The following NOS1AP variants were observed in gnomAD, a reference collection of about 807,000 sequenced individuals.
NOS1AP encodes carboxyl-terminal PDZ ligand of neuronal nitric oxide synthase protein.
In NOS1AP, 21 loss-of-function variants were observed where a neutral mutation model predicts 56.2. The observed-to-expected ratio is 0.37, with a 90% CI of 0.26 to 0.54. The LOEUF is 0.54. Ranked by LOEUF, NOS1AP falls within the 20% of genes least tolerant of loss-of-function variation. NOS1AP has a pLI of 0.84. For missense variants in NOS1AP, 522 were observed against 657.8 expected, an observed-to-expected ratio of 0.79 and a Z score of 2.26; for synonymous variants, 270 against 274.6, an observed-to-expected ratio of 0.98 and a Z score of 0.17.
At chr1:162,176,176 T>TA (rs1389473342) in intron 2 of NOS1AP, among the ~76,000 whole-genome samples, 1 of 152,174 alleles carries the variant, frequency 6.6e-6, no homozygotes, top group East Asian at 1.9e-4. Flanking sequence ...TGATTTTTTT[T>TA]AAAAAATTTG....
chr1:162,264,912 C>T (rs967806577), intron 2 of NOS1AP, among the ~76,000 whole-genome samples: 12 of 151,436 alleles, frequency 7.9e-5, no homozygotes, highest in Middle Eastern at 3.2e-3. Context: ...CTCCTAGGCT[C>T]AAGCGATTCT....
At position 162,304,197 on chromosome 1, in the gene NOS1AP, C is replaced by T. The variant is rs1655745533; in HGVS notation, c.344+3491C>T. Among the ~76,000 whole-genome samples, 5 of 152,228 alleles carry T rather than the reference C, an allele frequency of 3.3e-5. No individual in the cohort carries two copies. The South Asian group carries it at 1.0e-3, about 32-fold the overall frequency. On this transcript the variant is annotated intron_variant, in intron 4 of 9. Transcript: ENST00000361897. Reference sequence around the variant, plus strand: ...TCCTCCTCCTCTTCCTTCTCTTCTTCCTTCTCTCTGTTCCTCTCTCCCTCC... The same window carrying T: ...TCCTCCTCCTCTTCCTTCTCTTCTTTCTTCTCTCTGTTCCTCTCTCCCTCC...
At chr1:162,140,322 TC>T (rs2102073620) in intron 1 of NOS1AP, among the ~76,000 whole-genome samples, 1 of 151,524 alleles carries the variant, frequency 6.6e-6, no homozygotes, top group East Asian at 1.9e-4. Flanking sequence ...ATTATTAGAA[TC>T]AAGGGCACAC....
chr1:162,083,415 T>G (rs1259915748), intron 1 of NOS1AP, among the ~76,000 whole-genome samples: 1 of 152,134 alleles, frequency 6.6e-6, no homozygotes, highest in Non-Finnish European at 1.5e-5. Context: ...ATTGGCAATT[T>G]TTTTATTTGG....
chr1:162,291,306 T>C (rs962454080), intron 3 of NOS1AP, among the ~76,000 whole-genome samples: 2 of 152,230 alleles, frequency 1.3e-5, no homozygotes, highest in African/African-American at 4.8e-5. Flanking sequence ...ACCAGACACA[T>C]GTAGTATGTT....
At chr1:162,154,731 T>C (rs1052647330) in intron 2 of NOS1AP, among the ~76,000 whole-genome samples, 3 of 152,200 alleles carry the variant, frequency 2.0e-5, no homozygotes, top group Admixed American at 6.5e-5. Flanking sequence ...CAAACTGAGA[T>C]ACATGTTACC....
intron 2 of NOS1AP, among the ~76,000 whole-genome samples, chr1:162,199,245 G>A (rs1429558439): frequency 6.6e-6 from 1 of 152,124 alleles, no homozygotes; most frequent in African/African-American, 2.4e-5. Flanking sequence ...ACTCTTTGAT[G>A]GAATCTCGCA....
Position 162,151,153 on chromosome 1 carries a change from G to A in NOS1AP, c.106-3252G>A, listed in dbSNP as rs574917094. On this transcript the variant is annotated intron_variant, in intron 1 of 9. Transcript: ENST00000361897. Reference sequence around the variant, plus strand: ...TGATTTTTGTATATGGTGAGAGATAGGAGTCCAGTTTTATTCTTCTACATA... The same window carrying A: ...TGATTTTTGTATATGGTGAGAGATAAGAGTCCAGTTTTATTCTTCTACATA... 2.0e-5 allele frequency among the ~76,000 whole-genome samples: 3 copies of A among 152,276 alleles called. No individual in the cohort carries two copies. In the South Asian group the frequency reaches 6.2e-4, roughly 32 times the overall value.
intron 5 of NOS1AP, among the ~76,000 whole-genome samples, chr1:162,337,293 G>T (rs1258772537): frequency 6.6e-6 from 1 of 152,224 alleles, no homozygotes; most frequent in Non-Finnish European, 1.5e-5. Context: ...TGGGTTAGGA[G>T]AAATAATTTC....
At chr1:162,192,657 T>C (rs919127573) in intron 2 of NOS1AP, among the ~76,000 whole-genome samples, 2 of 152,226 alleles carry the variant, frequency 1.3e-5, no homozygotes, top group Non-Finnish European at 2.9e-5. Flanking sequence ...TCTCAACTTT[T>C]CTGTTCTTCC....
At chr1:162,264,464 TC>T (rs1557855323) in intron 2 of NOS1AP, among the ~76,000 whole-genome samples, 14 of 400 alleles carry the variant, frequency 0.035, no homozygotes, top group African/African-American at 0.096. Flanking sequence ...TCTTCTCTTC[TC>T]CTCCCCTCCC....
chr1:162,231,147 T>C (rs1653112367), intron 2 of NOS1AP, among the ~76,000 whole-genome samples: 1 of 152,194 alleles, frequency 6.6e-6, no homozygotes, highest in African/African-American at 2.4e-5. Flanking sequence ...TGCCAACACT[T>C]GGTCTTTTCT....
At chr1:162,251,342 C>T (rs556934689) in intron 2 of NOS1AP, among the ~76,000 whole-genome samples, 10 of 152,092 alleles carry the variant, frequency 6.6e-5, no homozygotes, top group Non-Finnish European at 1.5e-4. Flanking sequence ...GATCCCCATG[C>T]CATTCACTTG....
At chr1:162,359,390 C>G (rs1440750377) in intron 8 of NOS1AP, among the ~76,000 whole-genome samples, 1 of 152,170 alleles carries the variant, frequency 6.6e-6, no homozygotes, top group Non-Finnish European at 1.5e-5. Context: ...TCTGCCATGC[C>G]CATCTGTCTC....
rs1254160197 is a variant in NOS1AP, at chr1:162,369,705, G to A, written c.*2238G>A. On this transcript the variant is annotated 3_prime_UTR_variant, in exon 10 of 10. Coordinates refer to ENST00000361897, the MANE Select transcript of NOS1AP (RefSeq NM_014697.3). ...ACCCATCCAAGACTCCTGCCCTTGGGGTGTTCCATGGTGGTTTCTTCCTGC... is the reference window on the plus strand; with the variant it reads ...ACCCATCCAAGACTCCTGCCCTTGGAGTGTTCCATGGTGGTTTCTTCCTGC... The A allele has an allele frequency of 6.6e-6, 1 of 152,404 alleles. No individual in the cohort carries two copies. The highest frequency in any genetic ancestry group is 2.4e-5 in the African/African-American group (1 of 41,570). 9.4% of individuals were successfully genotyped at this position (152,404 alleles called of 1,614,324 possible).
At chr1:162,075,145 C>T (rs527386159) in intron 1 of NOS1AP, among the ~76,000 whole-genome samples, 5 of 152,284 alleles carry the variant, frequency 3.3e-5, no homozygotes, top group Admixed American at 2.6e-4. Flanking sequence ...TATATCTTCT[C>T]TGGTGATATG....
At chr1:162,327,875 T>G (rs954035239) in intron 4 of NOS1AP, among the ~76,000 whole-genome samples, 1 of 152,220 alleles carries the variant, frequency 6.6e-6, no homozygotes, top group African/African-American at 2.4e-5. Flanking sequence ...TAAGAGAAGA[T>G]GGAACTCATA....
intron 1 of NOS1AP, among the ~76,000 whole-genome samples, chr1:162,088,514 G>A (rs1325433969): frequency 6.6e-6 from 1 of 152,174 alleles, no homozygotes; most frequent in African/African-American, 2.4e-5. Context: ...CCTGATTTAT[G>A]AGGCCAGAAT....
chr1:162,328,414 A>G (rs1249716988), intron 4 of NOS1AP, among the ~76,000 whole-genome samples: 3 of 152,364 alleles, frequency 2.0e-5, no homozygotes, highest in East Asian at 1.9e-4. Flanking sequence ...GTTTCCATAT[A>G]TTAAAATGTT....
Sources: allele counts gnomAD v4.1 joint callset (sites outside exome capture counted in the v4.1 genomes callset), GRCh38; gene constraint gnomAD v4.1.1; transcripts MANE v1.5; gene names NCBI Gene and HGNC (gene_info 2026-07-23, HGNC 2026-07-21).